The following DYM variants were observed in gnomAD, a reference collection of about 807,000 sequenced individuals.
DYM encodes dymeclin, also known as dyggve-Melchior-Clausen syndrome protein.
In DYM, 78 loss-of-function variants were observed where a neutral mutation model predicts 93.1. That is an observed-to-expected ratio of 0.84 (90% confidence interval 0.70 to 1.01). The LOEUF (loss-of-function observed/expected upper bound fraction) is 1.01, where lower values mean the gene tolerates loss of function less well. Among genes scored for constraint, DYM ranks in the 50% least tolerant of loss-of-function variants. DYM has a pLI of 0.00. For synonymous variants in DYM, 321 were observed against 319.7 expected (o/e 1.00, Z -0.04); for missense variants, 789 against 845.0 (o/e 0.93, Z 0.82).
chr18:49,221,008 T>C (rs1029269488), intron 13 of DYM, among the ~76,000 whole-genome samples: 3 of 152,236 alleles, frequency 2.0e-5, no homozygotes, highest in African/African-American at 4.8e-5. Flanking sequence ...CCTACTCATC[T>C]GACAAAGGGC....
At chr18:49,306,878 T>C (rs1164360462) in intron 8 of DYM, among the ~76,000 whole-genome samples, 1 of 152,180 alleles carries the variant, frequency 6.6e-6, no homozygotes, top group Non-Finnish European at 1.5e-5. Context: ...TGGATTTAAA[T>C]GTTTTATTTT....
intron 8 of DYM, among the ~76,000 whole-genome samples, chr18:49,318,130 A>G (rs1490388454): frequency 2.0e-5 from 3 of 152,138 alleles, no homozygotes; most frequent in South Asian, 2.1e-4. Context: ...CATGACCACA[A>G]TGTTTCTCCT....
At chr18:49,125,531 T>C (rs1451509404) in intron 15 of DYM, among the ~76,000 whole-genome samples, 1 of 152,246 alleles carries the variant, frequency 6.6e-6, no homozygotes, top group African/African-American at 2.4e-5. Flanking sequence ...TCTACGTTAA[T>C]TGGTTTTATT....
At chr18:49,408,931 C>A (rs1041345873) in intron 2 of DYM, among the ~76,000 whole-genome samples, 1 of 152,128 alleles carries the variant, frequency 6.6e-6, no homozygotes, top group African/African-American at 2.4e-5. Flanking sequence ...GCCTAAACTT[C>A]AAGAATGGTC....
intron 15 of DYM, among the ~76,000 whole-genome samples, chr18:49,150,450 C>T (rs1476785148): frequency 6.6e-6 from 1 of 152,170 alleles, no homozygotes; most frequent in Non-Finnish European, 1.5e-5. Context: ...GGTCTCTCTG[C>T]TAACATAGAT....
intron 2 of DYM, among the ~76,000 whole-genome samples, chr18:49,428,699 T>C (rs2074534143): frequency 6.6e-6 from 1 of 152,058 alleles, no homozygotes; most frequent in Admixed American, 6.6e-5. Context: ...AATAAATAAG[T>C]GGTTGCTAGT....
rs1157589680 is a variant in DYM, at chr18:49,039,161, C to A, written c.*4894G>T. On this transcript the variant is annotated 3_prime_UTR_variant, in exon 18 of 18. Transcript: ENST00000675505. ...TGTCTTCATATCCTCTTCATTTTTG[C>A]AGGATATTTTCCCTGATTAGAAATT... Among the ~76,000 whole-genome samples, 4 of 152,082 alleles carry A rather than the reference C, an allele frequency of 2.6e-5. No homozygotes were observed. The highest frequency in any genetic ancestry group is 9.7e-5 in the African/African-American group (4 of 41,420).
chr18:49,304,456 G>C (rs1384135766), intron 8 of DYM, among the ~76,000 whole-genome samples: 1 of 152,068 alleles, frequency 6.6e-6, no homozygotes, highest in Non-Finnish European at 1.5e-5. Flanking sequence ...GAGCCTTCTG[G>C]AGCACACATT....
intron 8 of DYM, among the ~76,000 whole-genome samples, chr18:49,300,274 A>G (rs2060835939): frequency 6.6e-6 from 1 of 151,800 alleles, no homozygotes; most frequent in African/African-American, 2.4e-5. Flanking sequence ...TAGTAACCAA[A>G]AAGAATCAAT....
intron 7 of DYM, among the ~76,000 whole-genome samples, chr18:49,332,238 A>G (rs1051058143): frequency 2.6e-5 from 4 of 152,176 alleles, no homozygotes; most frequent in Non-Finnish European, 5.9e-5. Flanking sequence ...TATTGATCAA[A>G]TTACTTAAAT....
intron 11 of DYM, among the ~76,000 whole-genome samples, chr18:49,258,914 G>A (rs947783396): frequency 4.1e-5 from 6 of 146,276 alleles, no homozygotes; most frequent in Admixed American, 6.9e-5. Context: ...AGACAGGTGC[G>A]AATACTGGGC....
chr18:49,387,345 C>T (rs558890193), intron 3 of DYM, among the ~76,000 whole-genome samples: 55 of 152,232 alleles, frequency 3.6e-4, no homozygotes, highest in African/African-American at 1.3e-3. Flanking sequence ...GTTGTGATCT[C>T]GGCTCACCGC....
chr18:49,086,486 A>G (rs1342056942), intron 17 of DYM, among the ~76,000 whole-genome samples: 1 of 152,220 alleles, frequency 6.6e-6, no homozygotes, highest in Non-Finnish European at 1.5e-5. Flanking sequence ...ATACGGCTGC[A>G]CTGGGGAATT....
chr18:49,203,157 C>T (rs1461718843), intron 14 of DYM, among the ~76,000 whole-genome samples: 4 of 81,966 alleles, frequency 4.9e-5, no homozygotes, highest in East Asian at 3.6e-4. Flanking sequence ...CCCGGCCAGC[C>T]GCCCCGTCCG....
At chr18:49,424,938 G>T (rs2074114064) in intron 2 of DYM, among the ~76,000 whole-genome samples, 1 of 152,262 alleles carries the variant, frequency 6.6e-6, no homozygotes, top group East Asian at 1.9e-4. Context: ...TGGATAGGAA[G>T]AATCAATATC....
chr18:49,239,496 T>C (rs2093962468), intron 13 of DYM, among the ~76,000 whole-genome samples: 1 of 152,238 alleles, frequency 6.6e-6, no homozygotes, highest in Non-Finnish European at 1.5e-5. Context: ...GCTGGTCTCG[T>C]GACCTGCTTT....
chr18:49,306,253 G>C (rs1468459367), intron 8 of DYM, among the ~76,000 whole-genome samples: 1 of 152,136 alleles, frequency 6.6e-6, no homozygotes, highest in African/African-American at 2.4e-5. Context: ...TAAAACTTCA[G>C]ATCACAAAGG....
chr18:49,221,919 T>A (rs575509152), intron 13 of DYM, among the ~76,000 whole-genome samples: 47 of 150,624 alleles, frequency 3.1e-4, no homozygotes, highest in African/African-American at 6.3e-4. Flanking sequence ...TAATAAAATT[T>A]AAAAAAAAAT....
intron 4 of DYM, among the ~76,000 whole-genome samples, 177 bp downstream of exon 4, chr18:49,379,488 A>G (rs1036953259): frequency 6.6e-6 from 1 of 152,200 alleles, no homozygotes; most frequent in Non-Finnish European, 1.5e-5. Flanking sequence ...CGAATCTATA[A>G]TCTCACCCCA....
Sources: gnomAD v4.1 joint callset for allele counts (sites outside exome capture counted in the v4.1 genomes callset) on GRCh38, gnomAD v4.1.1 for gene constraint, MANE v1.5 for transcripts, NCBI Gene and HGNC (gene_info 2026-07-23, HGNC 2026-07-21) for gene names.